The following ZNF385D variants were observed in gnomAD, a reference collection of about 807,000 sequenced individuals.
The protein encoded by ZNF385D is zinc finger protein 385D.
In ZNF385D, 15 loss-of-function variants were observed where a neutral mutation model predicts 35.8. The observed-to-expected ratio is 0.42, with a 90% confidence interval of 0.28 to 0.64. The LOEUF is 0.64. Ranked by LOEUF, ZNF385D falls within the 30% of genes least tolerant of loss-of-function variation. The probability of loss-of-function intolerance (pLI) is 0.23; values close to 1 mark genes in which losing one functional copy is unlikely to be tolerated. For missense variants in ZNF385D, 474 were observed against 494.6 expected, an observed-to-expected ratio of 0.96 and a Z score of 0.39; for synonymous variants, 212 against 186.8, an observed-to-expected ratio of 1.13 and a Z score of -1.10.
intron 2 of ZNF385D, among the ~76,000 whole-genome samples, chr3:22,245,332 G>A (rs1283864166): frequency 6.6e-6 from 1 of 152,014 alleles, no homozygotes; most frequent in African/African-American, 2.4e-5. Flanking sequence ...GTGTCCTGGG[G>A]CTAGTCCAGC....
chr3:22,008,546 C>A (rs532374123), intron 3 of ZNF385D, among the ~76,000 whole-genome samples: 1 of 152,032 alleles, frequency 6.6e-6, no homozygotes, highest in Non-Finnish European at 1.5e-5. Context: ...TTAGTAGAGA[C>A]GGGGTTTCAC....
At chr3:22,079,981 T>C (rs1160304143) in intron 3 of ZNF385D, among the ~76,000 whole-genome samples, 3 of 152,050 alleles carry the variant, frequency 2.0e-5, no homozygotes, top group Non-Finnish European at 2.9e-5. Context: ...ACCAGAGCAG[T>C]TATTTTAAAT....
intron 3 of ZNF385D, among the ~76,000 whole-genome samples, chr3:22,141,146 C>T (rs1704480558): frequency 6.6e-6 from 1 of 152,146 alleles, no homozygotes; most frequent in Non-Finnish European, 1.5e-5. Context: ...GAGGTTTATA[C>T]TGTTCCTAAA....
At position 21,639,989 on chromosome 3, in the gene ZNF385D, C is replaced by A. The variant is rs541946412; in HGVS notation, c.165+24897G>T. On this transcript the variant is annotated intron_variant, in intron 2 of 7. Coordinates refer to ENST00000281523, the MANE Select transcript of ZNF385D (RefSeq NM_024697.3). The stretch of plus-strand genomic sequence containing the variant: ...TTTTAAATGATCTTTCTGGATTATT[C>A]TTCTTTTCCAGCACTTTAAGCTTTT... 4.6e-5 allele frequency among the ~76,000 whole-genome samples: 7 copies of A among 152,084 alleles called. No homozygotes were observed. In the East Asian group the frequency reaches 1.4e-3, roughly 29 times the overall value.
rs557923128 is a variant in ZNF385D, at chr3:22,153,886, T to G, written c.325+14931A>C. On this transcript the variant is annotated intron_variant, in intron 3 of 5. Transcript: ENST00000494108. ...CTGGATACCTTTTACTCCCACACCA[T>G]GTGGGAGACAGCAGAGCTGCAGATT... Among the ~76,000 whole-genome samples, 13 of 152,240 alleles carry G rather than the reference T, an allele frequency of 8.5e-5. No homozygotes were observed. The East Asian group carries it at 2.5e-3, about 29-fold the overall frequency.
intron 3 of ZNF385D, among the ~76,000 whole-genome samples, chr3:22,022,282 G>A (rs926571196): frequency 2.6e-5 from 4 of 152,066 alleles, no homozygotes; most frequent in Admixed American, 6.6e-5. Flanking sequence ...CATGTTAACA[G>A]TTTTAATTCA....
chr3:21,981,641 C>G (rs375826482), intron 3 of ZNF385D, among the ~76,000 whole-genome samples: 3 of 152,170 alleles, frequency 2.0e-5, no homozygotes, highest in African/African-American at 7.2e-5. Flanking sequence ...TTTGCCTGTT[C>G]CTATGTCCAG....
chr3:21,808,310 G>A (rs1360954816), intron 3 of ZNF385D, among the ~76,000 whole-genome samples: 1 of 152,076 alleles, frequency 6.6e-6, no homozygotes, highest in Admixed American at 6.5e-5. Flanking sequence ...TCTTTACAAA[G>A]AGACCTGTAG....
chr3:22,161,344 G>A (rs926647895), intron 3 of ZNF385D, among the ~76,000 whole-genome samples: 3 of 151,694 alleles, frequency 2.0e-5, no homozygotes, highest in Admixed American at 6.6e-5. Flanking sequence ...AGAATGTTGG[G>A]GACTTTTAAT....
At chr3:21,894,856 C>A (rs1207493205) in intron 3 of ZNF385D, among the ~76,000 whole-genome samples, 1 of 152,066 alleles carries the variant, frequency 6.6e-6, no homozygotes. Context: ...CAATGCCAGA[C>A]ACCATGCCAA....
chr3:22,003,949 GA>G (rs1696028499), intron 3 of ZNF385D, among the ~76,000 whole-genome samples: 2 of 138,252 alleles, frequency 1.4e-5, no homozygotes, highest in Admixed American at 6.9e-5. Flanking sequence ...AAGCAATCCT[GA>G]GTAAAAAAAA....
At chr3:21,725,989 C>A (rs540874608) in intron 1 of ZNF385D, among the ~76,000 whole-genome samples, 2 of 152,070 alleles carry the variant, frequency 1.3e-5, no homozygotes, top group African/African-American at 2.4e-5. Context: ...ACGATCAAGT[C>A]GGCTTCATAC....
At chr3:21,821,723 G>T (rs1024786639) in intron 3 of ZNF385D, among the ~76,000 whole-genome samples, 2 of 152,142 alleles carry the variant, frequency 1.3e-5, no homozygotes, top group African/African-American at 4.8e-5. Context: ...CACTTTGGAA[G>T]TTCAAGGCAG....
At chr3:21,909,547 G>A (rs985984660) in intron 3 of ZNF385D, among the ~76,000 whole-genome samples, 3 of 151,932 alleles carry the variant, frequency 2.0e-5, no homozygotes, top group Non-Finnish European at 2.9e-5. Context: ...TGTGGCAAGA[G>A]AGAGTTAGTA....
upstream of ZNF385D, chr3:21,751,341 TG>T (rs1262576864): frequency 9.5e-7 from 1 of 1,052,408 alleles, no homozygotes; most frequent in Admixed American, 5.2e-5. Flanking sequence ...CCCAGAGACT[TG>T]GGAAGGGGCG....
At chr3:22,036,456 C>T (rs765936184) in intron 3 of ZNF385D, among the ~76,000 whole-genome samples, 1 of 151,554 alleles carries the variant, frequency 6.6e-6, no homozygotes, top group Non-Finnish European at 1.5e-5. Context: ...ACTGACCTAT[C>T]GAGAAATTCA....
chr3:22,171,678 C>T (rs1044520919), intron 2 of ZNF385D, among the ~76,000 whole-genome samples: 5 of 151,852 alleles, frequency 3.3e-5, no homozygotes, highest in Non-Finnish European at 7.4e-5. Flanking sequence ...AGATCGAGAC[C>T]ATCGTGGCTA....
intron 1 of ZNF385D, among the ~76,000 whole-genome samples, chr3:21,680,508 C>T (rs144141260): frequency 6.6e-5 from 10 of 152,064 alleles, no homozygotes; most frequent in East Asian, 1.9e-4. Flanking sequence ...TTCTTTCCTG[C>T]GTATTTTCAA....
chr3:21,857,867 A>C (rs1057063798), intron 3 of ZNF385D, among the ~76,000 whole-genome samples: 6 of 151,960 alleles, frequency 3.9e-5, no homozygotes, highest in African/African-American at 1.4e-4. Context: ...GAGAACAATC[A>C]GCACATAGGG....
Sources: allele counts gnomAD v4.1 joint callset (sites outside exome capture counted in the v4.1 genomes callset), GRCh38; gene constraint gnomAD v4.1.1; transcripts MANE v1.5; gene names NCBI Gene and HGNC (gene_info 2026-07-23, HGNC 2026-07-21).